The following EVC2 variants were observed in gnomAD, a reference collection of about 807,000 sequenced individuals.
The protein encoded by EVC2 is limbin.
In EVC2, 148 loss-of-function variants were observed where a neutral mutation model predicts 149.3. The ratio of observed to expected loss-of-function variants is 0.99; its 90% confidence interval spans 0.87 to 1.14. EVC2 has a LOEUF of 1.14. Among genes scored for constraint, EVC2 ranks in the 50% most tolerant of loss-of-function variants. The pLI, the probability that EVC2 is intolerant of heterozygous loss-of-function variation, is 0.00. For synonymous variants in EVC2, 776 were observed against 649.9 expected (o/e 1.19, Z -2.95); for missense variants, 1,854 against 1,627.3 (o/e 1.14, Z -2.40).
At chr4:5,638,256 G>A (rs866927897) in intron 10 of EVC2, among the ~76,000 whole-genome samples, 17 of 152,222 alleles carry the variant, frequency 1.1e-4, no homozygotes, top group Admixed American at 2.6e-4. Context: ...GGGCGTGGTG[G>A]CAAGCGCCTG....
At position 5,622,577 on chromosome 4, in the gene EVC2, CCT is replaced by C. The variant is rs1168340965; in HGVS notation, c.2459_2460del (p.Glu820GlyfsTer25). The stretch of plus-strand genomic sequence containing the variant: ...TCCCAGCGTCGCAGCTCTGCCTGCT[CCT>C]CTGTCACGGCCTCAGGAGCGTCATC... Reference protein sequence around the residue: ...LKDDAPEAVTEEQAELRRWEH... With the variant: ...LKDDAPEAVTXEQAELRRWEH... On this transcript the variant is annotated frameshift_variant, in exon 14 of 22. Transcript: ENST00000344408. LOFTEE classifies it high-confidence loss of function. This position sits in a 1 kb window ranked among gnomAD's most constrained non-coding sequence, Gnocchi z 5.8. The C allele has an allele frequency of 6.2e-7, 1 of 1,614,008 alleles. No homozygotes were observed. Among genetic ancestry groups the C allele is most frequent in the African/African-American group, 1.3e-5 (1 of 75,016 alleles).
Position 5,599,068 on chromosome 4 carries a change from A to G in EVC2, c.2830-14218T>C, listed in dbSNP as rs1713735323. Reference sequence around the variant, plus strand: ...ATGGCAATCATTAAAAAGTCAGGAAACAATAGGTGCTGGAGAGGATGTGGA... The same window carrying G: ...ATGGCAATCATTAAAAAGTCAGGAAGCAATAGGTGCTGGAGAGGATGTGGA... On this transcript the variant is annotated intron_variant, in intron 16 of 21. Transcript: ENST00000344408. Among the ~76,000 whole-genome samples the G allele has an allele frequency of 6.6e-5, 10 of 152,054 alleles. No individual in the cohort carries two copies. In the South Asian group the frequency reaches 2.1e-3, roughly 31 times the overall value.
chr4:5,593,740 C>T (rs986615379), intron 16 of EVC2, among the ~76,000 whole-genome samples: 2 of 152,136 alleles, frequency 1.3e-5, no homozygotes, highest in Admixed American at 6.5e-5. Flanking sequence ...GTACAGTGCA[C>T]CGTGCGTGAG....
intron 9 of EVC2, among the ~76,000 whole-genome samples, chr4:5,643,050 C>T (rs1717458380): frequency 1.3e-5 from 2 of 152,194 alleles, no homozygotes. Context: ...AACGAGTTAA[C>T]TTGTCTACAT....
rs148775651 is a variant in EVC2, at chr4:5,640,697, A to G, written c.1287T>C (p.Ser429=). The change falls in exon 10 of 22, where the codon AGT becomes AGC. Residue 429 remains serine (S), a synonymous_variant. Coordinates refer to ENST00000344408, the MANE Select transcript of EVC2 (RefSeq NM_147127.5). The surrounding 1 kb of genome is among the most constrained non-coding windows in gnomAD (Gnocchi z 4.6). The part of the protein sequence containing the change: ...HLSPQVERKM[S]AVFKKQFLLL... ...ATAGAAACTGCTTTTTGAAAACAGC[A>G]CTCATTTTTCTCTCTACTTGGGGTG... 1.1e-4 allele frequency: 178 copies of G among 1,613,574 alleles called. No individual in the cohort carries two copies. The African/African-American group carries it at 2.0e-3, about 18-fold the overall frequency.
Position 5,556,818 on chromosome 4 carries a change from T to C in EVC2, c.3419+8440A>G, listed in dbSNP as rs560004579. ...GCTGTGAACAACTCTATGCCCATAA[T>C]TTTGGTAACTTAGGTGAAATGAATG... is the stretch of plus-strand genomic sequence containing the variant. On this transcript the variant is annotated intron_variant and NMD_transcript_variant, in intron 21 of 22. Coordinates refer to the EVC2 transcript ENST00000475313. Among the ~76,000 whole-genome samples, 3 of 152,292 alleles carry C rather than the reference T, an allele frequency of 2.0e-5. No individual in the cohort carries two copies. The East Asian group carries it at 5.8e-4, about 29-fold the overall frequency.
chr4:5,708,817 G>T, upstream of EVC2: 1 of 297,180 alleles, frequency 3.4e-6, no homozygotes, highest in Non-Finnish European at 6.2e-6. Flanking sequence ...GGGCCCCTCC[G>T]CTACCGCCTA....
At chr4:5,544,066 A>T (rs10020042) in intron 21 of EVC2, among the ~76,000 whole-genome samples, 7,659 of 152,206 alleles carry the variant, frequency 0.05, 406 homozygotes, top group African/African-American at 0.13. Flanking sequence ...TGGGCACCAG[A>T]CACCCACTTG....
chr4:5,532,874 C>T, the EVC2 span, among the ~76,000 whole-genome samples: 26 of 151,784 alleles, frequency 1.7e-4, no homozygotes, highest in East Asian at 1.2e-3. Flanking sequence ...CCAGCACTGG[C>T]GGGCAGTGTG....
Position 5,567,158 on chromosome 4 carries a change from A to G in EVC2, c.3557+1286T>C, listed in dbSNP as rs1722336704. 6.6e-6 allele frequency among the ~76,000 whole-genome samples: 1 copy of G among 151,734 alleles called. No individual in the cohort carries two copies. The highest frequency in any genetic ancestry group is 2.1e-4 in the South Asian group (1 of 4,792). On this transcript the variant is annotated intron_variant, in intron 20 of 21. Transcript: ENST00000344408. The surrounding 1 kb of genome is among the most constrained non-coding windows in gnomAD (Gnocchi z 4.4). ...CCAACAACCAGACCTCTGACCCCCT[A>G]ACATGCAGCCAGCCCTCTGACTGCG... is the stretch of plus-strand genomic sequence containing the variant.
At chr4:5,697,118 G>T (rs1001448351) in intron 2 of EVC2, among the ~76,000 whole-genome samples, 1 of 152,232 alleles carries the variant, frequency 6.6e-6, no homozygotes, top group African/African-American at 2.4e-5. Context: ...AGGCAATGCG[G>T]CCATAGATGC....
chr4:5,617,709 A>G (rs1444050540), intron 15 of EVC2, among the ~76,000 whole-genome samples: 1 of 152,200 alleles, frequency 6.6e-6, no homozygotes, highest in African/African-American at 2.4e-5. Context: ...TGAGACCTCA[A>G]TGGCCTGCAA....
chr4:5,573,559 TC>T (rs1388601883), intron 19 of EVC2, among the ~76,000 whole-genome samples: 1 of 152,182 alleles, frequency 6.6e-6, no homozygotes, highest in Non-Finnish European at 1.5e-5. Context: ...AAACAGATTC[TC>T]CCCCTAAAGC....
At position 5,687,852 on chromosome 4, in the gene EVC2, G is replaced by C. The variant is rs575007975; in HGVS notation, c.706+1305C>G. On this transcript the variant is annotated intron_variant, in intron 5 of 21. Transcript: ENST00000344408. Reference sequence around the variant, plus strand: ...ACACCTTCCCTTTACCAGGCAGAGTGTCTGGGTGACATTGTCTCCTTGATT... The same window carrying C: ...ACACCTTCCCTTTACCAGGCAGAGTCTCTGGGTGACATTGTCTCCTTGATT... Among the ~76,000 whole-genome samples, 173 of 152,234 alleles carry C rather than the reference G, an allele frequency of 1.1e-3. 1 individual carries two copies. The highest frequency in any genetic ancestry group is 1.9e-3 in the Non-Finnish European group (132 of 68,014).
intron 7 of EVC2, among the ~76,000 whole-genome samples, chr4:5,668,578 T>C (rs921921607): frequency 2.0e-5 from 3 of 152,046 alleles, no homozygotes; most frequent in Admixed American, 2.0e-4. Flanking sequence ...TAAACGTAAA[T>C]AGCATTGCAT....
rs368988303 is a variant in EVC2, at chr4:5,632,864, T to C, written c.1471-832A>G. ...CTTCACTCCACATGGGTAGGCGGGA[T>C]TCTGGAATGGCCCCTGATCCCCAGG... On this transcript the variant is annotated intron_variant, in intron 10 of 21. Transcript: ENST00000344408. 3.3e-5 allele frequency among the ~76,000 whole-genome samples: 5 copies of C among 152,238 alleles called. 1 individual carries two copies. The South Asian group carries it at 6.2e-4, about 19-fold the overall frequency.
intron 9 of EVC2, among the ~76,000 whole-genome samples, chr4:5,648,319 T>G (rs562913597): frequency 1.4e-4 from 22 of 152,324 alleles, no homozygotes; most frequent in African/African-American, 5.1e-4. Flanking sequence ...AGATTCATAT[T>G]GTGGTAATTT....
At chr4:5,645,249 CTTTT>C (rs11351682) in intron 9 of EVC2, among the ~76,000 whole-genome samples, 1 of 140,978 alleles carries the variant, frequency 7.1e-6, no homozygotes, top group Admixed American at 7.1e-5. Flanking sequence ...ACATCCACCT[CTTTT>C]TTTTTTTTTT....
intron 7 of EVC2, 135 bp downstream of exon 7, chr4:5,681,123 GCA>G (rs1720309351): frequency 3.1e-6 from 3 of 973,738 alleles, no homozygotes; most frequent in Non-Finnish European, 4.9e-6. Flanking sequence ...CCGAGAGACT[GCA>G]CAGAGTCCCA....
Sources: gnomAD v4.1 joint callset for allele counts (sites outside exome capture counted in the v4.1 genomes callset) on GRCh38, gnomAD v4.1.1 for gene constraint, Gnocchi (gnomAD v3.1) non-coding constraint, MANE v1.5 for transcripts, NCBI Gene and HGNC (gene_info 2026-07-23, HGNC 2026-07-21) for gene names.